The following SLC34A2 variants were observed in gnomAD, a reference collection of about 807,000 sequenced individuals.
The protein encoded by SLC34A2 is sodium-dependent phosphate transport protein 2B.
SLC34A2 carries 41 observed loss-of-function variants against 50.8 expected under a neutral mutation model. The observed-to-expected ratio is 0.81, with a 90% CI of 0.63 to 1.05. SLC34A2 has a LOEUF of 1.05. Among genes scored for constraint, SLC34A2 ranks in the 50% least tolerant of loss-of-function variants. SLC34A2 has a pLI of 0.00. For missense variants in SLC34A2, 879 were observed against 876.7 expected (o/e 1.00, Z -0.03); for synonymous variants, 401 against 364.2 (o/e 1.10, Z -1.15).
chr4:25,657,252 C>G (rs373065354), intron 1 of SLC34A2, among the ~76,000 whole-genome samples: 2 of 152,102 alleles, frequency 1.3e-5, no homozygotes, highest in African/African-American at 4.8e-5. Flanking sequence ...GAATTCAATG[C>G]AATGAGGAAA....
chr4:25,662,960 G>T lies in SLC34A2; in HGVS notation c.250+118G>T, dbSNP rs184186335. ...TGATTCCCTTGAAGCAAGGGTCCTG[G>T]CTAGGGATGTCACCCTCTCATCTTT... is the stretch of plus-strand genomic sequence containing the variant. On this transcript the variant is annotated intron_variant, in intron 3 of 12. Transcript: ENST00000382051. The T allele has an allele frequency of 3.8e-3, 4,659 of 1,211,824 alleles. 18 individuals carry two copies. The highest frequency in any genetic ancestry group is 7.7e-3 in the Middle Eastern group (29 of 3,788). 75.1% of individuals were successfully genotyped at this position (1,211,824 alleles called of 1,614,324 possible). A position where few individuals can be genotyped will look rare whatever the true frequency, so the allele number is the denominator to read the frequency against.
intron 4 of SLC34A2, among the ~76,000 whole-genome samples, chr4:25,664,615 A>C (rs1408465555): frequency 6.6e-6 from 1 of 152,258 alleles, no homozygotes; most frequent in African/African-American, 2.4e-5. Flanking sequence ...CCAGGCAGGA[A>C]GTTGTCTGAC....
intron 9 of SLC34A2, 106 bp downstream of exon 9, chr4:25,671,827 C>A: frequency 6.8e-7 from 1 of 1,469,548 alleles, no homozygotes; most frequent in Non-Finnish European, 9.5e-7. Flanking sequence ...GTAGGAGTCA[C>A]CAAGCACCTG....
chr4:25,664,205 G>C lies in SLC34A2; in HGVS notation c.254G>C (p.Arg85Thr), dbSNP rs533106793. ...LQDSGIKWSE[R>T]DTKGKILCFF... ...CCCCCATCCCACCCCCCTGCAGAGA[G>C]AGACACCAAAGGGAAGATTCTCTGT... The change falls in exon 4 of 13, where the codon AGA becomes ACA. Residue 85 changes from arginine (R) to threonine (T), a missense_variant. Coordinates refer to ENST00000382051, the MANE Select transcript of SLC34A2 (RefSeq NM_006424.3). The C allele has an allele frequency of 6.2e-7, 1 of 1,611,418 alleles. No homozygotes were observed. Among genetic ancestry groups the C allele is most frequent in the Admixed American group, 1.7e-5 (1 of 59,872 alleles).
At chr4:25,673,515 C>T (rs1410115781) in intron 10 of SLC34A2, among the ~76,000 whole-genome samples, 1 of 152,124 alleles carries the variant, frequency 6.6e-6, no homozygotes, top group African/African-American at 2.4e-5. Flanking sequence ...GTCAGGCCTT[C>T]CTTCTTAGCG....
chr4:25,661,833 A>T (rs753102445), intron 1 of SLC34A2, among the ~76,000 whole-genome samples: 1 of 151,560 alleles, frequency 6.6e-6, no homozygotes, highest in African/African-American at 2.4e-5. Context: ...TTGGCATGCT[A>T]TGAGACAACA....
intron 5 of SLC34A2, 43 bp from the exon 6 acceptor site, chr4:25,667,837 G>A (rs1246376544): frequency 7.5e-7 from 1 of 1,339,130 alleles, no homozygotes; most frequent in Non-Finnish European, 1.1e-6. Flanking sequence ...CTGCCTCCAG[G>A]CTGCCTTTCT....
intron 1 of SLC34A2, among the ~76,000 whole-genome samples, chr4:25,656,236 C>T (rs966187465): frequency 6.6e-6 from 1 of 152,158 alleles, no homozygotes; most frequent in South Asian, 2.1e-4. Context: ...TAGCTAGGCT[C>T]TTTGTGGCTG....
At chr4:25,660,032 C>T (rs142631174) in intron 1 of SLC34A2, among the ~76,000 whole-genome samples, 239 of 152,306 alleles carry the variant, frequency 1.6e-3, no homozygotes, top group African/African-American at 5.5e-3. Flanking sequence ...CATGCTCTTA[C>T]AATGCATGGA....
At chr4:25,665,359 G>T (rs1465740820) in intron 4 of SLC34A2, among the ~76,000 whole-genome samples, 2 of 151,936 alleles carry the variant, frequency 1.3e-5, no homozygotes, top group Non-Finnish European at 2.9e-5. Flanking sequence ...TAGAGACGGG[G>T]TTTCTCCGTG....
chr4:25,665,068 G>A (rs1714419608), intron 4 of SLC34A2: 1 of 225,982 alleles, frequency 4.4e-6, no homozygotes, highest in Non-Finnish European at 8.8e-6. Flanking sequence ...GCAACCCTTG[G>A]TGCCTTTCTT....
In SLC34A2 at chr4:25,662,449, T is replaced by C. The variant is rs1714244449; in HGVS notation, c.-3-49T>C. On this transcript the variant is annotated intron_variant, in intron 1 of 12. Coordinates refer to ENST00000382051, the MANE Select transcript of SLC34A2 (RefSeq NM_006424.3). ...GGTTCTTCCTCTTATAGCATCTCGGTGTGCCTCCTTTCCATGACTGCTGCT... is the reference window on the plus strand; with the variant it reads ...GGTTCTTCCTCTTATAGCATCTCGGCGTGCCTCCTTTCCATGACTGCTGCT... The C allele has an allele frequency of 6.0e-6, 9 of 1,507,460 alleles. No homozygotes were observed. In the South Asian group the frequency reaches 7.9e-5, roughly 13 times the overall value. The allele number at this position is 1,507,460 out of a possible 1,614,324, so 93.4% of individuals were successfully genotyped here.
intron 12 of SLC34A2, among the ~76,000 whole-genome samples, chr4:25,675,410 A>G (rs1715059457): frequency 6.6e-6 from 1 of 152,214 alleles, no homozygotes; most frequent in South Asian, 2.1e-4. Flanking sequence ...CAATTCCCTC[A>G]TCTGAAAGAT....
chr4:25,672,927 G>A (rs894148903), intron 9 of SLC34A2, among the ~76,000 whole-genome samples, 160 bp from the exon 10 acceptor site: 20 of 152,214 alleles, frequency 1.3e-4, no homozygotes, highest in African/African-American at 2.6e-4. Flanking sequence ...CCCTTGCTGC[G>A]AAGGAGGCTG....
At position 25,669,704 on chromosome 4, in the gene SLC34A2, C is replaced by G. The variant is rs116599217; in HGVS notation, c.693C>G (p.Leu231=). 1 of 1,614,056 alleles carries G rather than the reference C, an allele frequency of 6.2e-7. No homozygotes were observed. The highest frequency in any genetic ancestry group is 2.2e-5 in the East Asian group (1 of 44,902). Residue 231 remains leucine, a synonymous_variant, in exon 7 of 13, where the codon CTC becomes CTG. Transcript: ENST00000382051. Reference sequence around the variant, plus strand: ...TCAACTGGCTGTCCGTGTTGGTGCTCTTGCCCGTGGAGGTGGCCACCCATT... The same window carrying G: ...TCAACTGGCTGTCCGTGTTGGTGCTGTTGCCCGTGGAGGTGGCCACCCATT... ...DFFNWLSVLV[L]LPVEVATHYL...
At chr4:25,672,947 G>A (rs1428026634) in intron 9 of SLC34A2, 140 bp from the exon 10 acceptor site, 4 of 872,864 alleles carry the variant, frequency 4.6e-6, no homozygotes, top group Non-Finnish European at 5.7e-6. Flanking sequence ...GAGAAGGGCT[G>A]TCTTGATTTG....
intron 4 of SLC34A2, chr4:25,665,163 C>CTTT (rs10676891): frequency 0.018 from 2,317 of 127,210 alleles, 59 homozygotes; most frequent in Middle Eastern, 0.024. Context: ...CTGGACATTG[C>CTTT]TTTTTTTTTT....
At chr4:25,659,793 A>ACTGAG (rs1484181560) in intron 1 of SLC34A2, among the ~76,000 whole-genome samples, 1 of 152,146 alleles carries the variant, frequency 6.6e-6, no homozygotes, top group African/African-American at 2.4e-5. Flanking sequence ...GAGCCATCTT[A>ACTGAG]CCTTTGTGAG....
In SLC34A2 at chr4:25,659,217, AG is replaced by A; in HGVS notation, c.-3-3280del. Among the ~76,000 whole-genome samples the A allele has an allele frequency of 4.6e-5, 7 of 152,110 alleles. 1 individual carries two copies. In the East Asian group the frequency reaches 1.2e-3, roughly 25 times the overall value. On this transcript the variant is annotated intron_variant, in intron 1 of 12. Transcript: ENST00000382051. ...CACCAGCTCCAGGTAGTTGGAGGCA[AG>A]CTTCTTTGTTTCTCTGTGCCTCAGT...
Sources: allele counts gnomAD v4.1 joint callset (sites outside exome capture counted in the v4.1 genomes callset), GRCh38; gene constraint gnomAD v4.1.1; transcripts MANE v1.5; gene names NCBI Gene and HGNC (gene_info 2026-07-23, HGNC 2026-07-21).